Variants in SLC35F4 observed in about 807,000 individuals in gnomAD.
SLC35F4 encodes the protein solute carrier family 35 member F4.
A neutral mutation model predicts 44.2 loss-of-function variants in SLC35F4; 24 were observed. That is an observed-to-expected ratio of 0.54 (90% CI 0.39 to 0.76). The LOEUF is 0.76. SLC35F4 is among the 30% of genes least tolerant of loss of function. SLC35F4 has a pLI of 0.00. For synonymous variants in SLC35F4, 238 were observed against 223.6 expected (o/e 1.06, Z -0.57); for missense variants, 562 against 586.1 (o/e 0.96, Z 0.42).
At chr14:57,837,920 C>T (rs925902902) in intron 1 of SLC35F4, among the ~76,000 whole-genome samples, 1 of 152,208 alleles carries the variant, frequency 6.6e-6, no homozygotes, top group Non-Finnish European at 1.5e-5. Context: ...GAAAGCACCA[C>T]ATTTTTGACA....
chr14:57,716,413 C>T (rs2075945503), intron 1 of SLC35F4, among the ~76,000 whole-genome samples: 1 of 151,948 alleles, frequency 6.6e-6, no homozygotes, highest in Non-Finnish European at 1.5e-5. Flanking sequence ...TGACCTTGAG[C>T]AGTAGAATAT....
At chr14:57,688,403 T>C (rs1227734148) in intron 1 of SLC35F4, among the ~76,000 whole-genome samples, 1 of 152,210 alleles carries the variant, frequency 6.6e-6, no homozygotes, top group African/African-American at 2.4e-5. Flanking sequence ...GCAGAATGGA[T>C]GTTATCTTTA....
At position 57,802,090 on chromosome 14, in the gene SLC35F4, C is replaced by A. The variant is rs191509096; in HGVS notation, c.103+63633G>T. ...ATCACATAATTGGAAGTAAAACACT[C>A]CTCAGCAAATGCAAAAGAACTGAAA... On this transcript the variant is annotated intron_variant, in intron 1 of 7. Coordinates refer to ENST00000556826, the MANE Select transcript of SLC35F4 (RefSeq NM_001306087.2). 3.3e-5 allele frequency among the ~76,000 whole-genome samples: 5 copies of A among 152,248 alleles called. No homozygotes were observed. The East Asian group carries it at 9.6e-4, about 29-fold the overall frequency.
At chr14:57,644,346 A>T (rs1378103184) in intron 1 of SLC35F4, among the ~76,000 whole-genome samples, 3 of 151,956 alleles carry the variant, frequency 2.0e-5, no homozygotes, top group Non-Finnish European at 4.4e-5. Context: ...TGTGGTTTTG[A>T]TTTGCATTTC....
intron 1 of SLC35F4, among the ~76,000 whole-genome samples, chr14:57,877,836 C>A (rs1888435037): frequency 6.6e-6 from 1 of 151,734 alleles, no homozygotes; most frequent in African/African-American, 2.4e-5. Flanking sequence ...AGGCTTATGC[C>A]ACCATACCTG....
chr14:57,732,713 G>A (rs1426890466), intron 1 of SLC35F4, among the ~76,000 whole-genome samples: 1 of 152,100 alleles, frequency 6.6e-6, no homozygotes, highest in Non-Finnish European at 1.5e-5. Context: ...GCTAAACTGA[G>A]TTATGGGAAT....
Position 57,866,088 on chromosome 14 carries a change from C to G in SLC35F4, c.-263G>C, listed in dbSNP as rs1158297863. 1 of 229,440 alleles carries G rather than the reference C, an allele frequency of 4.4e-6. No individual in the cohort carries two copies. The highest frequency in any genetic ancestry group is 8.4e-6 in the Non-Finnish European group (1 of 119,298). 14.2% of individuals were successfully genotyped at this position (229,440 alleles called of 1,614,324 possible). On this transcript the variant is annotated 5_prime_UTR_variant, in exon 1 of 8. Transcript: ENST00000556826. ...GCGCGCCACCCGGAGCACTGCTGCC[C>G]GAATAGCGCCCCCTCACCTCCGACG... is the stretch of plus-strand genomic sequence containing the variant.
chr14:57,829,998 G>A (rs1178120245), intron 1 of SLC35F4, among the ~76,000 whole-genome samples: 1 of 152,034 alleles, frequency 6.6e-6, no homozygotes, highest in Non-Finnish European at 1.5e-5. Flanking sequence ...AGAAGAGAGT[G>A]TATAAGCAAG....
intron 1 of SLC35F4, among the ~76,000 whole-genome samples, chr14:57,839,585 C>A (rs1425574006): frequency 6.6e-6 from 1 of 152,010 alleles, no homozygotes; most frequent in African/African-American, 2.4e-5. Context: ...AAAACACACA[C>A]TGGGGCCTTT....
chr14:57,693,343 A>G (rs910433986), intron 1 of SLC35F4, among the ~76,000 whole-genome samples: 1 of 152,186 alleles, frequency 6.6e-6, no homozygotes, highest in African/African-American at 2.4e-5. Context: ...CATATACAAA[A>G]TCTCTACAGC....
At chr14:57,665,636 C>T (rs1018957855) in intron 1 of SLC35F4, among the ~76,000 whole-genome samples, 1 of 152,156 alleles carries the variant, frequency 6.6e-6, no homozygotes, top group Non-Finnish European at 1.5e-5. Flanking sequence ...TGGGTATATA[C>T]CCAAAGGAAT....
intron 1 of SLC35F4, among the ~76,000 whole-genome samples, chr14:57,850,200 T>C (rs987658798): frequency 1.6e-4 from 25 of 152,180 alleles, no homozygotes; most frequent in Admixed American, 1.6e-3. Flanking sequence ...AGTTGCAACG[T>C]CAAGCAAAAC....
chr14:57,805,910 C>T (rs1319798015), intron 1 of SLC35F4, among the ~76,000 whole-genome samples: 1 of 152,118 alleles, frequency 6.6e-6, no homozygotes, highest in Non-Finnish European at 1.5e-5. Flanking sequence ...AAAGAAAAGG[C>T]ACTAGAAAAC....
At chr14:57,867,000 A>AATAATT (rs1491561956), upstream of SLC35F4, among the ~76,000 whole-genome samples, 1 of 143,166 alleles carries the variant, frequency 7.0e-6, no homozygotes, top group African/African-American at 2.6e-5. Context: ...TAATAATAAT[A>AATAATT]ATTTTCAAAG....
intron 1 of SLC35F4, among the ~76,000 whole-genome samples, chr14:57,938,268 G>A (rs1056147106): frequency 6.6e-6 from 1 of 151,970 alleles, no homozygotes; most frequent in African/African-American, 2.4e-5. Flanking sequence ...AGACTCTCAA[G>A]CAGACAGAGG....
At chr14:57,618,838 G>A (rs1167692825) in intron 1 of SLC35F4, among the ~76,000 whole-genome samples, 2 of 152,222 alleles carry the variant, frequency 1.3e-5, no homozygotes, top group Non-Finnish European at 2.9e-5. Context: ...GACCTGGGAT[G>A]CTAGAGCTTG....
At chr14:57,907,103 A>G (rs115639289) in intron 1 of SLC35F4, among the ~76,000 whole-genome samples, 192 of 152,306 alleles carry the variant, frequency 1.3e-3, no homozygotes, top group African/African-American at 4.4e-3. Flanking sequence ...GATTTTAGAT[A>G]TGGGAATCTC....
At chr14:57,673,260 T>A (rs1290767559) in intron 1 of SLC35F4, among the ~76,000 whole-genome samples, 1 of 152,098 alleles carries the variant, frequency 6.6e-6, no homozygotes, top group Admixed American at 6.6e-5. Flanking sequence ...ATAGTGACGG[T>A]ACTGATGTCA....
At chr14:57,749,839 T>C (rs2076841325) in intron 1 of SLC35F4, among the ~76,000 whole-genome samples, 1 of 152,222 alleles carries the variant, frequency 6.6e-6, no homozygotes, top group Non-Finnish European at 1.5e-5. Context: ...GAACTTAATA[T>C]TCATTCCCAA....
Sources: allele counts gnomAD v4.1 joint callset (sites outside exome capture counted in the v4.1 genomes callset), GRCh38; gene constraint gnomAD v4.1.1; transcripts MANE v1.5; gene names NCBI Gene and HGNC (gene_info 2026-07-23, HGNC 2026-07-21).